The following FRMPD4 variants were observed in gnomAD, a reference collection of about 807,000 sequenced individuals.
FRMPD4 encodes FERM and PDZ domain-containing protein 4.
In FRMPD4, 22 loss-of-function variants were observed where a neutral mutation model predicts 94.1. The observed-to-expected ratio is 0.23, with a 90% confidence interval of 0.17 to 0.33. The LOEUF is 0.33. FRMPD4 is among the 10% of genes least tolerant of loss of function. The pLI is 1.00. For missense variants in FRMPD4, 1,111 were observed against 1,339.9 expected (o/e 0.83, Z 2.67); for synonymous variants, 631 against 548.6 (o/e 1.15, Z -2.10).
intron 3 of FRMPD4, among the ~76,000 whole-genome samples, chrX:12,082,783 G>C (rs192107185): frequency 0.056 from 6,278 of 111,561 alleles, 458 homozygotes; most frequent in African/African-American, 0.19. Context: ...GATGACTCTT[G>C]CTATGTTTTA....
chrX:11,918,958 A>G (rs2054040528), intron 3 of FRMPD4, among the ~76,000 whole-genome samples: 1 of 112,657 alleles, frequency 8.9e-6, no homozygotes, highest in Non-Finnish European at 1.9e-5. Context: ...CCATGTAGAC[A>G]TGGTGGACAT....
chrX:12,430,331 A>G lies in FRMPD4; in HGVS notation c.42-68349A>G, dbSNP rs757423936. 5.3e-5 allele frequency among the ~76,000 whole-genome samples: 6 copies of G among 112,455 alleles called. No homozygotes were observed. The South Asian group carries it at 1.9e-3, about 35-fold the overall frequency. On this transcript the variant is annotated intron_variant, in intron 1 of 16. Transcript: ENST00000675598. ...ATGTGACTTTCAGGAAAAGACACAC[A>G]TCTGCCAAGTTTCCTGTCCTGAGTG...
intron 1 of FRMPD4, among the ~76,000 whole-genome samples, chrX:12,459,927 TC>T (rs1249418741): frequency 1.8e-5 from 2 of 111,533 alleles, no homozygotes; most frequent in Non-Finnish European, 3.8e-5. Context: ...TATATGAGAG[TC>T]CAGTTGATTC....
At position 11,827,087 on chromosome X, in the gene FRMPD4, A is replaced by T. The variant is rs2525875; in HGVS notation, c.-161+4372A>T. Among the ~76,000 whole-genome samples the T allele has an allele frequency of 9.4e-3, 780 of 83,220 alleles. 13 individuals are homozygous for T. The highest frequency in any genetic ancestry group is 0.048 in the East Asian group (119 of 2,479). 72.3% of individuals were successfully genotyped at this position (83,220 alleles called of 115,157 possible). On this transcript the variant is annotated intron_variant, in intron 1 of 18. Transcript: ENST00000640291. ...TTATATATATATATATATATATATA[A>T]AATATATATGTTCTGTATATAACAT... is the stretch of plus-strand genomic sequence containing the variant.
chrX:12,676,591 T>C (rs1367109112), intron 5 of FRMPD4, among the ~76,000 whole-genome samples: 1 of 112,394 alleles, frequency 8.9e-6, no homozygotes, highest in African/African-American at 3.2e-5. Flanking sequence ...CAATGTGGGA[T>C]ACTGTTTTAC....
At position 11,995,255 on chromosome X, in the gene FRMPD4, C is replaced by T. The variant is rs890011775; in HGVS notation, c.95+117237C>T. 1.7e-4 allele frequency among the ~76,000 whole-genome samples: 19 copies of T among 111,903 alleles called. No homozygotes were observed. In the Admixed American group the frequency reaches 1.7e-3, roughly 10 times the overall value. On this transcript the variant is annotated intron_variant, in intron 3 of 18. Transcript: ENST00000640291. ...AAAGTTGATCACCAATAATGTCACACTACAGTTCTTTGAGACACAGCAGTC... is the reference window on the plus strand; with the variant it reads ...AAAGTTGATCACCAATAATGTCACATTACAGTTCTTTGAGACACAGCAGTC...
chrX:12,416,137 T>TGCTGCTGAACCCAGAACCCAGACATAA (rs1473998471), intron 1 of FRMPD4, among the ~76,000 whole-genome samples: 1 of 111,049 alleles, frequency 9.0e-6, no homozygotes, highest in Non-Finnish European at 1.9e-5. Flanking sequence ...CTTCCTTCTC[T>TGCTGCTGAACCCAGAACCCAGACATAA]TTCTCTATTT....
At chrX:12,092,603 G>C (rs2055163083) in intron 3 of FRMPD4, among the ~76,000 whole-genome samples, 1 of 111,648 alleles carries the variant, frequency 9.0e-6, no homozygotes, top group African/African-American at 3.3e-5. Flanking sequence ...TATGAGATTA[G>C]AGTAGTAGCC....
At chrX:12,539,909 C>T (rs767588095) in intron 2 of FRMPD4, among the ~76,000 whole-genome samples, 1 of 112,435 alleles carries the variant, frequency 8.9e-6, no homozygotes, top group South Asian at 3.7e-4. Context: ...GCTGGGATTA[C>T]AGGCATGAGC....
intron 1 of FRMPD4, among the ~76,000 whole-genome samples, chrX:12,141,980 CAT>C (rs1314959714): frequency 8.9e-6 from 1 of 111,861 alleles, no homozygotes; most frequent in Non-Finnish European, 1.9e-5. Flanking sequence ...AGTAGAAAAA[CAT>C]ATGATTATGC....
intron 3 of FRMPD4, among the ~76,000 whole-genome samples, chrX:11,965,930 A>G (rs773424311): frequency 1.3e-4 from 14 of 111,657 alleles, no homozygotes; most frequent in African/African-American, 4.2e-4. Context: ...GTATTCCTAC[A>G]TTTATCACAA....
intron 2 of FRMPD4, among the ~76,000 whole-genome samples, chrX:12,514,219 T>C (rs1378467361): frequency 9.0e-6 from 1 of 111,356 alleles, no homozygotes; most frequent in African/African-American, 3.3e-5. Flanking sequence ...TTCTTTCTCT[T>C]GCCTGATTGC....
chrX:12,665,946 G>C (rs2059771434), intron 4 of FRMPD4, among the ~76,000 whole-genome samples: 1 of 111,226 alleles, frequency 9.0e-6, no homozygotes, highest in East Asian at 2.8e-4. Context: ...AATGTAAATG[G>C]GCTAAATGCC....
intron 1 of FRMPD4, among the ~76,000 whole-genome samples, chrX:12,455,284 C>T (rs780718090): frequency 1.5e-4 from 17 of 111,605 alleles, no homozygotes; most frequent in Non-Finnish European, 2.1e-4. Flanking sequence ...TCATCACCAC[C>T]GTATATGTTC....
chrX:12,558,854 C>T (rs1280943540), intron 2 of FRMPD4, among the ~76,000 whole-genome samples: 2 of 112,004 alleles, frequency 1.8e-5, no homozygotes, highest in Non-Finnish European at 3.8e-5. Flanking sequence ...ACACCATGAT[C>T]ATGCCTGTGA....
At chrX:12,014,561 C>T (rs891874461) in intron 3 of FRMPD4, among the ~76,000 whole-genome samples, 12 of 111,139 alleles carry the variant, frequency 1.1e-4, no homozygotes, top group African/African-American at 3.9e-4. Context: ...GAGAGTTAAG[C>T]GAGGTATTAT....
At chrX:12,511,790 G>A (rs73438768) in intron 2 of FRMPD4, among the ~76,000 whole-genome samples, 1,399 of 111,804 alleles carry the variant, frequency 0.013, 23 homozygotes, top group African/African-American at 0.043. Context: ...AATTCAAGAG[G>A]CTCAAAGAAC....
intron 3 of FRMPD4, among the ~76,000 whole-genome samples, chrX:11,986,354 A>C (rs1425783128): frequency 8.9e-6 from 1 of 112,424 alleles, no homozygotes; most frequent in Admixed American, 9.4e-5. Context: ...TTAAGAAGGA[A>C]ATTGAAAAAT....
At chrX:12,026,277 C>G (rs1017218406) in intron 3 of FRMPD4, among the ~76,000 whole-genome samples, 2 of 111,584 alleles carry the variant, frequency 1.8e-5, no homozygotes, top group Admixed American at 9.5e-5. Flanking sequence ...TTTTCCTTAT[C>G]AATTTATTTG....
Sources: allele counts gnomAD v4.1 joint callset (sites outside exome capture counted in the v4.1 genomes callset), GRCh38; gene constraint gnomAD v4.1.1; transcripts MANE v1.5; gene names NCBI Gene and HGNC (gene_info 2026-07-23, HGNC 2026-07-21).